The following SAMMSON variants were observed in gnomAD, a reference collection of about 807,000 sequenced individuals.
SAMMSON encodes the protein survival associated mitochondrial melanoma specific oncogenic non-coding RNA.
chr3:70,233,394 G>A (rs1482743471), intron 4 of SAMMSON, among the ~76,000 whole-genome samples: 2 of 152,076 alleles, frequency 1.3e-5, no homozygotes, highest in Non-Finnish European at 2.9e-5. Context: ...CACAATACAG[G>A]TATCTAATAT....
At chr3:70,030,481 T>G (rs1013865823) in intron 3 of SAMMSON, 2 of 152,154 alleles carry the variant, frequency 1.3e-5, no homozygotes, top group Admixed American at 1.3e-4. Context: ...AGCTGTTGAG[T>G]CCTGACCATA....
At chr3:70,256,121 A>G (rs895098226) in intron 6 of SAMMSON, among the ~76,000 whole-genome samples, 1 of 152,226 alleles carries the variant, frequency 6.6e-6, no homozygotes, top group Non-Finnish European at 1.5e-5. Flanking sequence ...ACAAGGTCAA[A>G]TGATTTTATC....
At chr3:70,220,454 C>CT (rs982643973) in intron 4 of SAMMSON, among the ~76,000 whole-genome samples, 17 of 152,122 alleles carry the variant, frequency 1.1e-4, no homozygotes, top group African/African-American at 3.4e-4. Flanking sequence ...AAAAAAATTA[C>CT]TTCAAGTTAT....
intron 2 of SAMMSON, among the ~76,000 whole-genome samples, chr3:70,425,737 C>T (rs77896199): frequency 0.14 from 21,885 of 151,972 alleles, 1,919 homozygotes; most frequent in Non-Finnish European, 0.19. Context: ...GATGGAAATG[C>T]CTGGGAATAA....
chr3:70,268,823 A>C (rs568855727), intron 6 of SAMMSON, among the ~76,000 whole-genome samples: 1 of 152,182 alleles, frequency 6.6e-6, no homozygotes, highest in Non-Finnish European at 1.5e-5. Context: ...AAAACAAACT[A>C]TTCTTACTAA....
intron 4 of SAMMSON, among the ~76,000 whole-genome samples, chr3:70,074,737 A>G (rs931150118): frequency 6.6e-6 from 1 of 152,038 alleles, no homozygotes; most frequent in Non-Finnish European, 1.5e-5. Context: ...CATAGTGTGC[A>G]TGTCCCCCAC....
At chr3:70,232,404 A>ATTTTTT (rs200752002) in intron 4 of SAMMSON, among the ~76,000 whole-genome samples, 1 of 145,060 alleles carries the variant, frequency 6.9e-6, no homozygotes. Flanking sequence ...TGATGTTCCT[A>ATTTTTT]TTTTTTTTTT....
chr3:70,139,729 T>G (rs1292374552), intron 4 of SAMMSON, among the ~76,000 whole-genome samples: 1 of 152,224 alleles, frequency 6.6e-6, no homozygotes, highest in African/African-American at 2.4e-5. Flanking sequence ...GTTTGAATTC[T>G]TGGCCTGTGA....
intron 9 of SAMMSON, among the ~76,000 whole-genome samples, chr3:70,387,160 T>C (rs1703129174): frequency 1.3e-5 from 2 of 152,092 alleles, no homozygotes; most frequent in South Asian, 4.1e-4. Context: ...GAGCACTTTT[T>C]AGCATAAGTT....
At chr3:70,093,609 T>C (rs1348604132) in intron 4 of SAMMSON, among the ~76,000 whole-genome samples, 2 of 152,154 alleles carry the variant, frequency 1.3e-5, no homozygotes, top group African/African-American at 4.8e-5. Flanking sequence ...TTTAGTAATG[T>C]CCTTCCAGCT....
At chr3:70,177,800 A>G (rs947167939) in intron 4 of SAMMSON, among the ~76,000 whole-genome samples, 1 of 152,164 alleles carries the variant, frequency 6.6e-6, no homozygotes, top group African/African-American at 2.4e-5. Context: ...AGTTCTGTCC[A>G]TCTTTAAAAT....
chr3:70,121,143 A>C (rs985888622), intron 4 of SAMMSON, among the ~76,000 whole-genome samples: 5 of 152,122 alleles, frequency 3.3e-5, no homozygotes, highest in Non-Finnish European at 2.9e-5. Context: ...TCCTATAAGA[A>C]TCTAACGCCA....
At chr3:70,017,753 A>G (rs1024855836) in intron 3 of SAMMSON, among the ~76,000 whole-genome samples, 3 of 152,120 alleles carry the variant, frequency 2.0e-5, no homozygotes, top group African/African-American at 7.2e-5. Context: ...TTTGAGAAAC[A>G]TCCCATCAAT....
At chr3:70,297,859 A>G (rs906516680) in intron 7 of SAMMSON, among the ~76,000 whole-genome samples, 6 of 152,170 alleles carry the variant, frequency 3.9e-5, no homozygotes, top group African/African-American at 1.4e-4. Context: ...AATTTAATTC[A>G]TGATTGAAAA....
At chr3:70,241,238 T>C (rs1701665542) in intron 4 of SAMMSON, among the ~76,000 whole-genome samples, 1 of 152,174 alleles carries the variant, frequency 6.6e-6, no homozygotes, top group Non-Finnish European at 1.5e-5. Context: ...AACTCCACTC[T>C]TTAGAGGTGT....
chr3:70,422,819 C>A (rs1044691636), intron 2 of SAMMSON, among the ~76,000 whole-genome samples: 8 of 151,816 alleles, frequency 5.3e-5, no homozygotes, highest in Admixed American at 5.2e-4. Flanking sequence ...AAGCAAGCAA[C>A]TGCAATGATA....
At chr3:70,135,235 A>G (rs1451727291) in intron 4 of SAMMSON, among the ~76,000 whole-genome samples, 1 of 152,194 alleles carries the variant, frequency 6.6e-6, no homozygotes, top group Admixed American at 6.5e-5. Flanking sequence ...ACTAATGGGA[A>G]TAGCTATTAC....
At chr3:70,385,490 A>T (rs549836714) in intron 9 of SAMMSON, among the ~76,000 whole-genome samples, 4 of 152,206 alleles carry the variant, frequency 2.6e-5, no homozygotes, top group Admixed American at 6.6e-5. Context: ...CATTCAATAT[A>T]AATTGAAATG....
At chr3:70,101,793 G>A (rs987839423) in intron 4 of SAMMSON, among the ~76,000 whole-genome samples, 3 of 152,040 alleles carry the variant, frequency 2.0e-5, no homozygotes, top group African/African-American at 7.2e-5. Flanking sequence ...AAGGTTAAGT[G>A]GCTTAAATAA....
Sources: allele counts gnomAD v4.1 joint callset (sites outside exome capture counted in the v4.1 genomes callset), GRCh38; gene constraint gnomAD v4.1.1; transcripts MANE v1.5; gene names NCBI Gene and HGNC (gene_info 2026-07-23, HGNC 2026-07-21).